ARHGAP39: variants seen among roughly 807,000 people sequenced by gnomAD.
ARHGAP39 encodes rho GTPase-activating protein 39.
Under a neutral mutation model 106.9 loss-of-function variants are expected in ARHGAP39, and 44 were observed. The observed-to-expected ratio is 0.41, with a 90% confidence interval of 0.32 to 0.53. The LOEUF (loss-of-function observed/expected upper bound fraction) is 0.53. Among genes scored for constraint, ARHGAP39 ranks in the 20% least tolerant of loss-of-function variants. The pLI, the probability that ARHGAP39 is intolerant of heterozygous loss-of-function variation, is 0.21. For synonymous variants in ARHGAP39, 768 were observed against 693.2 expected, an observed-to-expected ratio of 1.11 and a Z score of -1.69; for missense variants, 1,496 against 1,577.3, an observed-to-expected ratio of 0.95 and a Z score of 0.87.
intron 1 of ARHGAP39, among the ~76,000 whole-genome samples, chr8:144,685,319 C>G (rs1822556761): frequency 6.6e-6 from 1 of 151,574 alleles, no homozygotes; most frequent in South Asian, 2.1e-4. Flanking sequence ...TCACACCCAC[C>G]TAGGGCAGGG....
chr8:144,623,351 T>C (rs1166192773), intron 1 of ARHGAP39, among the ~76,000 whole-genome samples: 1 of 152,194 alleles, frequency 6.6e-6, no homozygotes, highest in East Asian at 1.9e-4. Context: ...TACAGTAATG[T>C]AAATGGACCA....
chr8:144,606,289 G>A (rs1820289160), intron 1 of ARHGAP39, among the ~76,000 whole-genome samples: 1 of 152,184 alleles, frequency 6.6e-6, no homozygotes, highest in African/African-American at 2.4e-5. Context: ...TGAGCCAGGA[G>A]GGCCACATAT....
In ARHGAP39 at chr8:144,624,539, C is replaced by A. The variant is rs540627118; in HGVS notation, c.-81-18844G>T. On this transcript the variant is annotated intron_variant, in intron 1 of 11. Transcript: ENST00000377307. ...CGACACGGCTGCACGAACAGCAAAACCGCAGCATCCCCCGTCCCGGCGGCC... is the reference window on the plus strand; with the variant it reads ...CGACACGGCTGCACGAACAGCAAAAACGCAGCATCCCCCGTCCCGGCGGCC... Among the ~76,000 whole-genome samples, 19 of 152,364 alleles carry A rather than the reference C, an allele frequency of 1.2e-4. 1 individual carries two copies. In the East Asian group the frequency reaches 3.7e-3, roughly 29 times the overall value.
intron 1 of ARHGAP39, among the ~76,000 whole-genome samples, chr8:144,657,078 T>A (rs1228970611): frequency 6.6e-6 from 1 of 151,820 alleles, no homozygotes; most frequent in African/African-American, 2.4e-5. Context: ...TTAAGAACAA[T>A]AATTAAAATT....
At chr8:144,618,671 C>G (rs981393720) in intron 1 of ARHGAP39, among the ~76,000 whole-genome samples, 1 of 152,220 alleles carries the variant, frequency 6.6e-6, no homozygotes, top group Non-Finnish European at 1.5e-5. Context: ...GCCGCCTGCT[C>G]AGCTGGGAGG....
intron 2 of ARHGAP39, among the ~76,000 whole-genome samples, chr8:144,594,320 GA>G (rs1819516169): frequency 6.6e-6 from 1 of 152,300 alleles, no homozygotes; most frequent in East Asian, 1.9e-4. Context: ...GGAGAAACTG[GA>G]ACCTTTATAC....
chr8:144,575,791 C>T (rs1156970587), intron 3 of ARHGAP39, among the ~76,000 whole-genome samples: 1 of 152,190 alleles, frequency 6.6e-6, no homozygotes, highest in Non-Finnish European at 1.5e-5. Context: ...CATAACCACA[C>T]GTGCTGCTCC....
chr8:144,580,193 C>A (rs1382455346), intron 3 of ARHGAP39, among the ~76,000 whole-genome samples: 1 of 152,082 alleles, frequency 6.6e-6, no homozygotes, highest in Non-Finnish European at 1.5e-5. Flanking sequence ...TGTGCTCCTT[C>A]GGAGCCACTG....
intron 10 of ARHGAP39, among the ~76,000 whole-genome samples, chr8:144,532,089 G>C (rs1225394805): frequency 1.3e-5 from 2 of 151,948 alleles, no homozygotes; most frequent in Non-Finnish European, 2.9e-5. Flanking sequence ...GCAGCAGGTG[G>C]GGAGTGGGCT....
At position 144,647,085 on chromosome 8, in the gene ARHGAP39, C is replaced by T. The variant is rs1030856853; in HGVS notation, c.-82+38601G>A. On this transcript the variant is annotated intron_variant, in intron 1 of 11. Coordinates refer to ENST00000377307, the MANE Select transcript of ARHGAP39 (RefSeq NM_025251.3). The surrounding 1 kb of genome is among the most constrained non-coding windows in gnomAD (Gnocchi z 4.8). ...CTGGGTTCACACCATTCTCCTGCCT[C>T]AGCCTCCCGAGTAGCTGGGACTACA... is the stretch of plus-strand genomic sequence containing the variant. 6.6e-6 allele frequency among the ~76,000 whole-genome samples: 1 copy of T among 151,780 alleles called. No individual in the cohort carries two copies. The highest frequency in any genetic ancestry group is 1.5e-5 in the Non-Finnish European group (1 of 67,988).
chr8:144,630,964 C>T (rs1210322789), intron 1 of ARHGAP39, among the ~76,000 whole-genome samples: 3 of 152,248 alleles, frequency 2.0e-5, no homozygotes, highest in Non-Finnish European at 4.4e-5. Context: ...GCAGGCTGTA[C>T]AGGTAGCATG....
chr8:144,549,771 G>T (rs1364061611), intron 4 of ARHGAP39, among the ~76,000 whole-genome samples: 1 of 152,158 alleles, frequency 6.6e-6, no homozygotes, highest in Admixed American at 6.5e-5. Context: ...GGGATTACAG[G>T]TGTGAGCCAC....
chr8:144,579,185 G>A lies in ARHGAP39; in HGVS notation c.512+1661C>T, dbSNP rs572307695. 1.2e-4 allele frequency among the ~76,000 whole-genome samples: 14 copies of A among 118,526 alleles called. No individual in the cohort carries two copies. In the South Asian group the frequency reaches 4.0e-3, roughly 34 times the overall value. 77.8% of individuals were successfully genotyped at this position (118,526 alleles called of 152,430 possible). A position where few individuals can be genotyped will look rare whatever the true frequency, so the allele number is the denominator to read the frequency against. The stretch of plus-strand genomic sequence containing the variant: ...CCACTGCACTCCAGCCTGGGCGACA[G>A]AGCGAGACTCTGTCTCAAAAAAAAA... On this transcript the variant is annotated intron_variant, in intron 3 of 11. Coordinates refer to ENST00000377307, the MANE Select transcript of ARHGAP39 (RefSeq NM_025251.3).
intron 1 of ARHGAP39, among the ~76,000 whole-genome samples, chr8:144,682,469 A>C (rs1822450581): frequency 6.7e-6 from 1 of 149,980 alleles, no homozygotes; most frequent in East Asian, 2.0e-4. Flanking sequence ...GAATGGTGTG[A>C]ACCCAGGAGG....
chr8:144,657,932 A>T (rs916203344), intron 1 of ARHGAP39, among the ~76,000 whole-genome samples: 1 of 151,636 alleles, frequency 6.6e-6, no homozygotes, highest in Non-Finnish European at 1.5e-5. Context: ...AAATATTTTT[A>T]AAATAAAAAT....
At chr8:144,580,775 CTACCTG>C in intron 3 of ARHGAP39, 65 bp downstream of exon 3, 2 of 890,164 alleles carry the variant, frequency 2.2e-6, no homozygotes, top group Non-Finnish European at 3.1e-6. Context: ...CCACCACCCC[CTACCTG>C]CCTCACCTGG....
chr8:144,671,206 T>A lies in ARHGAP39; in HGVS notation c.-82+14480A>T, dbSNP rs1447903339. On this transcript the variant is annotated intron_variant, in intron 1 of 11. Transcript: ENST00000377307. This position sits in a 1 kb window ranked among gnomAD's most constrained non-coding sequence, Gnocchi z 4.5. ...GCTCTGCGGGTCACTGACAAGAGTC[T>A]CTGCCCTGCAGCATCTCCCAGCCAG... Among the ~76,000 whole-genome samples the A allele has an allele frequency of 6.6e-6, 1 of 152,228 alleles. No individual in the cohort carries two copies. Among genetic ancestry groups the A allele is most frequent in the Non-Finnish European group, 1.5e-5 (1 of 68,030 alleles).
chr8:144,626,857 G>A (rs1159832508), intron 1 of ARHGAP39, among the ~76,000 whole-genome samples: 1 of 152,232 alleles, frequency 6.6e-6, no homozygotes, highest in Non-Finnish European at 1.5e-5. Flanking sequence ...GGGCTCCCCA[G>A]ATGTCTGGCC....
intron 7 of ARHGAP39, among the ~76,000 whole-genome samples, chr8:144,535,038 TG>T (rs1816897514): frequency 6.6e-6 from 1 of 152,190 alleles, no homozygotes; most frequent in Admixed American, 6.5e-5. Flanking sequence ...AGGGGAGCCA[TG>T]GACCTCGGAC....
Sources: allele counts gnomAD v4.1 joint callset (sites outside exome capture counted in the v4.1 genomes callset), GRCh38; gene constraint gnomAD v4.1.1; non-coding constraint Gnocchi (gnomAD v3.1); transcripts MANE v1.5; gene names NCBI Gene and HGNC (gene_info 2026-07-23, HGNC 2026-07-21).